UBR3: variants seen among roughly 807,000 people sequenced by gnomAD.
UBR3 encodes E3 ubiquitin-protein ligase UBR3.
In UBR3, 85 loss-of-function variants were observed where a neutral mutation model predicts 243.2. That is an observed-to-expected ratio of 0.35 (90% CI 0.29 to 0.42). UBR3 has a LOEUF of 0.42. Among genes scored for constraint, UBR3 ranks in the 10% least tolerant of loss-of-function variants. The pLI is 1.00. For missense variants in UBR3, 1,686 were observed against 2,300.8 expected, an observed-to-expected ratio of 0.73 and a Z score of 5.47; for synonymous variants, 748 against 799.8, an observed-to-expected ratio of 0.94 and a Z score of 1.09.
intron 19 of UBR3, among the ~76,000 whole-genome samples, chr2:169,937,965 C>G (rs563540127): frequency 6.6e-6 from 1 of 152,264 alleles, no homozygotes; most frequent in South Asian, 2.1e-4. Context: ...CCTAGGGACT[C>G]TGAGTCAAAT....
chr2:169,889,360 T>C (rs1168556610), intron 5 of UBR3, among the ~76,000 whole-genome samples: 2 of 152,196 alleles, frequency 1.3e-5, no homozygotes, highest in Admixed American at 6.5e-5. Context: ...ACTGTTTTCA[T>C]AGGAAGTTTA....
Position 170,082,196 on chromosome 2 carries a change from T to C in UBR3, c.*353T>C, listed in dbSNP as rs949504974. ...TAGAGTGGGTGTGATTTATTTGACA[T>C]TTTACTGCTTCTTTCTGTCTGTGTG... is the stretch of plus-strand genomic sequence containing the variant. On this transcript the variant is annotated 3_prime_UTR_variant, in exon 39 of 39. Coordinates refer to ENST00000272793, the MANE Select transcript of UBR3 (RefSeq NM_172070.4). The C allele has an allele frequency of 5.9e-6, 1 of 169,212 alleles. No homozygotes were observed. The highest frequency in any genetic ancestry group is 1.3e-5 in the Non-Finnish European group (1 of 79,448). The allele number at this position is 169,212 out of a possible 1,614,324, so 10.5% of individuals were successfully genotyped here.
intron 19 of UBR3, among the ~76,000 whole-genome samples, chr2:169,936,632 A>G (rs1425904788): frequency 1.3e-5 from 2 of 151,868 alleles, no homozygotes; most frequent in African/African-American, 4.8e-5. Flanking sequence ...TTAACTCGTC[A>G]TTTACATTAG....
chr2:169,914,140 A>G lies in UBR3; in HGVS notation c.1860A>G (p.Val620=), dbSNP rs1282289097. 6.7e-7 allele frequency: 1 copy of G among 1,499,002 alleles called. No individual in the cohort carries two copies. The highest frequency in any genetic ancestry group is 2.3e-5 in the Admixed American group (1 of 43,622). The allele number at this position is 1,499,002 out of a possible 1,614,324, so 92.9% of individuals were successfully genotyped here. Residue 620 remains valine, a synonymous_variant, in exon 11 of 39, where the codon GTA becomes GTG. Coordinates refer to ENST00000272793, the MANE Select transcript of UBR3 (RefSeq NM_172070.4). The stretch of plus-strand genomic sequence containing the variant: ...ACTGGTTTGATGCTATTAACTTCGT[A>G]GACGAGGTATGTATATTTTTGATGT... ...LQDWFDAINF[V]DEPAPNQVTF... is the part of the protein sequence containing the mutation.
chr2:170,065,470 G>A (rs1462596524), intron 35 of UBR3, among the ~76,000 whole-genome samples: 1 of 152,022 alleles, frequency 6.6e-6, no homozygotes, highest in Non-Finnish European at 1.5e-5. Flanking sequence ...TGTATTTTTA[G>A]TGGAGACAGG....
chr2:169,831,499 C>T (rs531617953), intron 1 of UBR3, among the ~76,000 whole-genome samples: 2 of 152,194 alleles, frequency 1.3e-5, no homozygotes, highest in South Asian at 2.1e-4. Context: ...GAAACCAGAG[C>T]TATTGCCTGT....
intron 32 of UBR3, among the ~76,000 whole-genome samples, chr2:170,048,019 C>T (rs2091129952): frequency 6.6e-6 from 1 of 152,172 alleles, no homozygotes; most frequent in African/African-American, 2.4e-5. Flanking sequence ...TCTTAAGCTC[C>T]TCAACTGAAC....
At chr2:169,831,377 T>C (rs1558992976) in intron 1 of UBR3, among the ~76,000 whole-genome samples, 1 of 151,132 alleles carries the variant, frequency 6.6e-6, no homozygotes, top group Non-Finnish European at 1.5e-5. Flanking sequence ...CTTGAACTCC[T>C]GACCTTAGGT....
rs151245289 is a variant in UBR3 at position 169,928,677 on chromosome 2, A to G, written c.2425-50A>G. ...GAAACTAGAGTACCTTGGAAAGGCT[A>G]TAAATCTGGCTTTTTGTTACTAATA... On this transcript the variant is annotated intron_variant, in intron 17 of 38. Transcript: ENST00000272793. 1.7e-4 allele frequency: 232 copies of G among 1,388,748 alleles called. 3 individuals carry two copies. The East Asian group carries it at 5.6e-3, about 34-fold the overall frequency. 86.0% of individuals were successfully genotyped at this position (1,388,748 alleles called of 1,614,324 possible). A position where few individuals can be genotyped will look rare whatever the true frequency, so the allele number is the denominator to read the frequency against.
chr2:169,844,851 T>G (rs2082416601), intron 1 of UBR3, among the ~76,000 whole-genome samples: 1 of 151,868 alleles, frequency 6.6e-6, no homozygotes, highest in Admixed American at 6.6e-5. Flanking sequence ...TTTTACTGAT[T>G]TTTTGTTGTT....
intron 19 of UBR3, among the ~76,000 whole-genome samples, chr2:169,940,689 T>C (rs1047050030): frequency 6.6e-6 from 1 of 152,190 alleles, no homozygotes; most frequent in Non-Finnish European, 1.5e-5. Flanking sequence ...TCCTTTACTA[T>C]GGTTGTAGAT....
intron 2 of UBR3, among the ~76,000 whole-genome samples, chr2:169,873,965 A>G (rs2083513793): frequency 6.6e-6 from 1 of 152,082 alleles, no homozygotes; most frequent in Non-Finnish European, 1.5e-5. Context: ...AGTGTCTTAT[A>G]TTTTTTGTTG....
At chr2:169,841,727 G>T (rs559864298) in intron 1 of UBR3, among the ~76,000 whole-genome samples, 1 of 152,246 alleles carries the variant, frequency 6.6e-6, no homozygotes, top group Non-Finnish European at 1.5e-5. Context: ...CCGGCCCACC[G>T]GCGCTGTGCT....
intron 5 of UBR3, among the ~76,000 whole-genome samples, chr2:169,890,760 A>G (rs1574135617): frequency 6.7e-6 from 1 of 148,188 alleles, no homozygotes; most frequent in East Asian, 2.0e-4. Context: ...TTTTTCTTAG[A>G]CCCTTCAAAG....
chr2:169,869,199 A>T (rs1300069307), intron 1 of UBR3, among the ~76,000 whole-genome samples: 6 of 115,158 alleles, frequency 5.2e-5, no homozygotes, highest in East Asian at 2.5e-4. Flanking sequence ...ACTTCTGGTG[A>T]TGCTAAGATT....
intron 18 of UBR3, among the ~76,000 whole-genome samples, chr2:169,929,271 A>T (rs1167259844): frequency 1.3e-5 from 2 of 152,236 alleles, no homozygotes; most frequent in Non-Finnish European, 2.9e-5. Flanking sequence ...AACTTGAAAT[A>T]GTTCAAATTA....
At chr2:169,935,871 G>T (rs1194826791) in intron 19 of UBR3, among the ~76,000 whole-genome samples, 1 of 151,924 alleles carries the variant, frequency 6.6e-6, no homozygotes, top group African/African-American at 2.4e-5. Context: ...ATTAATCTAG[G>T]TGCCACATAT....
At chr2:170,075,200 TTTA>T (rs1458656732) in intron 36 of UBR3, among the ~76,000 whole-genome samples, 3 of 152,048 alleles carry the variant, frequency 2.0e-5, no homozygotes, top group South Asian at 4.1e-4. Context: ...ATACCCTTTT[TTTA>T]AAAAAAAAGG....
intron 8 of UBR3, among the ~76,000 whole-genome samples, chr2:169,903,171 A>G (rs1177193312): frequency 6.6e-6 from 1 of 152,252 alleles, no homozygotes; most frequent in African/African-American, 2.4e-5. Flanking sequence ...TAATGAGGAA[A>G]GTACCAGTTT....
Sources: allele counts gnomAD v4.1 joint callset (sites outside exome capture counted in the v4.1 genomes callset), GRCh38; gene constraint gnomAD v4.1.1; transcripts MANE v1.5; gene names NCBI Gene and HGNC (gene_info 2026-07-23, HGNC 2026-07-21).